The following BPTF variants were observed in gnomAD, a reference collection of about 807,000 sequenced individuals.
BPTF encodes the protein bromodomain PHD finger transcription factor.
In BPTF, 18 loss-of-function variants were observed where a neutral mutation model predicts 292.5. The ratio of observed to expected loss-of-function variants is 0.06; its 90% CI spans 0.04 to 0.09. The LOEUF is 0.09. Among genes scored for constraint, BPTF ranks in the 10% least tolerant of loss-of-function variants. The pLI, the probability that BPTF is intolerant of heterozygous loss-of-function variation, is 1.00. For missense variants in BPTF, 2,726 were observed against 3,498.7 expected (o/e 0.78, Z 5.57); for synonymous variants, 1,225 against 1,251.9 (o/e 0.98, Z 0.45).
chr17:67,885,786 C>T (rs1265092060), intron 4 of BPTF, among the ~76,000 whole-genome samples: 4 of 152,160 alleles, frequency 2.6e-5, no homozygotes, highest in African/African-American at 9.7e-5. Context: ...ATCTGGCGCA[C>T]TGTAAGTTTT....
chr17:67,825,545 C>A lies in BPTF; in HGVS notation c.-180C>A, dbSNP rs1238632959. On this transcript the variant is annotated 5_prime_UTR_variant, in exon 1 of 28. Coordinates refer to ENST00000306378, the MANE Select transcript of BPTF (RefSeq NM_182641.4). ...GAAGAAACAAGATGGCGGCTGAAGG[C>A]GATCCGGAGTGGGGCCCCAGCAATT... 21 of 426,350 alleles carry A rather than the reference C, an allele frequency of 4.9e-5. No homozygotes were observed. Among genetic ancestry groups the A allele is most frequent in the Non-Finnish European group, 8.2e-5 (18 of 219,242 alleles). 26.4% of individuals were successfully genotyped at this position (426,350 alleles called of 1,614,324 possible).
chr17:67,919,741 C>T (rs2063312018), intron 12 of BPTF, among the ~76,000 whole-genome samples: 1 of 152,030 alleles, frequency 6.6e-6, no homozygotes, highest in Admixed American at 6.6e-5. Context: ...TGCTTCTGTC[C>T]TAGGCTTTTT....
In BPTF at chr17:67,924,643, A is replaced by G. The variant is rs955854912; in HGVS notation, c.5751+54A>G. On this transcript the variant is annotated intron_variant, in intron 15 of 27. Coordinates refer to ENST00000306378, the MANE Select transcript of BPTF (RefSeq NM_182641.4). Reference sequence around the variant, plus strand: ...TCAAGGCCCAAATGGAGGCTCTTTCAAAACAAAAGCACTTGACCTCCCATC... The same window carrying G: ...TCAAGGCCCAAATGGAGGCTCTTTCGAAACAAAAGCACTTGACCTCCCATC... The G allele has an allele frequency of 1.1e-5, 18 of 1,580,076 alleles. No homozygotes were observed. In the African/African-American group the frequency reaches 2.2e-4, roughly 19 times the overall value.
Position 67,893,737 on chromosome 17 carries a change from T to A in BPTF, c.2411+12T>A. ...TGGGCATCACATAGGTAAAGGAAAC[T>A]AAGGTTAATTTATTGCTGTAAATAT... On this transcript the variant is annotated intron_variant, in intron 6 of 27. Transcript: ENST00000306378. The A allele has an allele frequency of 6.6e-7, 1 of 1,519,178 alleles. No individual in the cohort carries two copies. Among genetic ancestry groups the A allele is most frequent in the South Asian group, 1.2e-5 (1 of 84,358 alleles). 94.1% of individuals were successfully genotyped at this position (1,519,178 alleles called of 1,614,324 possible).
rs2147135693 is a variant in BPTF, at chr17:67,918,852, G to A, written c.5428+14G>A. The A allele has an allele frequency of 1.9e-6, 3 of 1,610,988 alleles. No homozygotes were observed. Among genetic ancestry groups the A allele is most frequent in the Non-Finnish European group, 2.5e-6 (3 of 1,178,032 alleles). On this transcript the variant is annotated intron_variant, in intron 12 of 27. Transcript: ENST00000306378. ...CTACACGGACAGGTAAGGGGGAAGG[G>A]AGTTATTTTCTAATTTAAGTTTAAA... is the stretch of plus-strand genomic sequence containing the variant.
At chr17:67,966,969 G>A (rs1428233676) in intron 26 of BPTF, among the ~76,000 whole-genome samples, 1 of 151,448 alleles carries the variant, frequency 6.6e-6, no homozygotes, top group African/African-American at 2.4e-5. Flanking sequence ...GCATGGTGGT[G>A]CATGCCTGTA....
intron 11 of BPTF, among the ~76,000 whole-genome samples, chr17:67,917,132 T>C (rs905171018): frequency 8.3e-5 from 7 of 84,080 alleles, no homozygotes; most frequent in Admixed American, 7.4e-4. Flanking sequence ...GGTATTGTCC[T>C]TTTTTTTTTT....
intron 20 of BPTF, 181 bp downstream of exon 20, chr17:67,944,553 T>G: frequency 1.6e-6 from 1 of 637,086 alleles, no homozygotes. Flanking sequence ...TCTTACAGAC[T>G]CCCTGTTACC....
intron 2 of BPTF, among the ~76,000 whole-genome samples, chr17:67,861,547 C>T (rs908534272): frequency 2.0e-5 from 3 of 152,098 alleles, no homozygotes; most frequent in African/African-American, 7.2e-5. Flanking sequence ...AACTCCTGAC[C>T]TCAGGTGATC....
intron 7 of BPTF, 100 bp from the exon 8 acceptor site, chr17:67,903,689 T>A: frequency 8.9e-7 from 1 of 1,126,092 alleles, no homozygotes. Flanking sequence ...TGTAGGATTA[T>A]AACAGTCTGC....
chr17:67,897,063 C>T (rs1374035822), intron 7 of BPTF, among the ~76,000 whole-genome samples: 1 of 151,868 alleles, frequency 6.6e-6, no homozygotes, highest in East Asian at 1.9e-4. Flanking sequence ...CATGGTGGCT[C>T]ATGCCTGTAA....
In BPTF at chr17:67,922,771, A is replaced by T. The variant is rs536197372; in HGVS notation, c.5558-69A>T. On this transcript the variant is annotated intron_variant, in intron 13 of 27. Coordinates refer to ENST00000306378, the MANE Select transcript of BPTF (RefSeq NM_182641.4). ...AGTTTGCCAACCACTTTTTCATGATAGAAGATGCCAGAAGTACTTTAATTT... is the reference window on the plus strand; with the variant it reads ...AGTTTGCCAACCACTTTTTCATGATTGAAGATGCCAGAAGTACTTTAATTT... 5.9e-5 allele frequency: 89 copies of T among 1,504,754 alleles called. No homozygotes were observed. The African/African-American group carries it at 1.2e-3, about 20-fold the overall frequency. The allele number at this position is 1,504,754 out of a possible 1,614,324, so 93.2% of individuals were successfully genotyped here. A position where few individuals can be genotyped will look rare whatever the true frequency, so the allele number is the denominator to read the frequency against.
intron 23 of BPTF, chr17:67,955,475 TTTG>T (rs2066841180): frequency 1.3e-5 from 2 of 152,084 alleles, no homozygotes; most frequent in Non-Finnish European, 2.9e-5. Flanking sequence ...CTGTGAGTTT[TTTG>T]TTTTTGGCTT....
Position 67,911,888 on chromosome 17 carries a change from A to G in BPTF, c.4004A>G (p.Glu1335Gly). ...DVEVLEPLKCELVSGESTGNC... is the reference protein window; with the variant it reads ...DVEVLEPLKCGLVSGESTGNC... The stretch of plus-strand genomic sequence containing the variant: ...GAAGTCTTGGAGCCGTTAAAGTGTG[A>G]GTTGGTTTCTGGTGAGTCCACTGGA... The change falls in exon 11 of 28, where the codon GAG (glutamate) becomes GGG (glycine). Residue 1335 changes from glutamate to glycine, a missense_variant. Glu to Gly is a moderately conservative substitution (Grantham distance 98). This residue lies in a region of BPTF where 713 missense variants were observed against 714.9 expected (regional missense o/e 1.00). Coordinates refer to ENST00000306378, the MANE Select transcript of BPTF (RefSeq NM_182641.4). The G allele has an allele frequency of 6.2e-7, 1 of 1,614,054 alleles. No homozygotes were observed.
intron 18 of BPTF, among the ~76,000 whole-genome samples, chr17:67,935,323 A>T (rs908357883): frequency 6.6e-6 from 1 of 152,114 alleles, no homozygotes; most frequent in Non-Finnish European, 1.5e-5. Context: ...GCCACTTGGG[A>T]GGCTGAGGCA....
At position 67,959,984 on chromosome 17, in the gene BPTF, T is replaced by C. The variant is rs2067319704; in HGVS notation, c.8261+109T>C. ...GAGTGATATAAATGAAAATATTAAA[T>C]TTAAGAGTAATGTTTCATCCATGGT... On this transcript the variant is annotated intron_variant, in intron 24 of 27. Coordinates refer to ENST00000306378, the MANE Select transcript of BPTF (RefSeq NM_182641.4). 3.8e-5 allele frequency: 33 copies of C among 864,190 alleles called. No homozygotes were observed. In the South Asian group the frequency reaches 6.6e-4, roughly 17 times the overall value. 53.5% of individuals were successfully genotyped at this position (864,190 alleles called of 1,614,324 possible). A position where few individuals can be genotyped will look rare whatever the true frequency, so the allele number is the denominator to read the frequency against.
chr17:67,921,370 C>T (rs1244669811), intron 13 of BPTF, among the ~76,000 whole-genome samples: 13 of 151,308 alleles, frequency 8.6e-5, no homozygotes, highest in Non-Finnish European at 1.9e-4. Flanking sequence ...ACTAAAAATA[C>T]AAAAAATTAG....
At chr17:67,899,916 T>C (rs1441584752) in intron 7 of BPTF, among the ~76,000 whole-genome samples, 1 of 152,192 alleles carries the variant, frequency 6.6e-6, no homozygotes, top group Non-Finnish European at 1.5e-5. Flanking sequence ...AGGGAATGTT[T>C]AGCACAAAAG....
chr17:67,971,791 G>T (rs1555691092), intron 26 of BPTF, among the ~76,000 whole-genome samples: 1 of 142,430 alleles, frequency 7.0e-6, no homozygotes, highest in East Asian at 2.1e-4. Flanking sequence ...TCATGCCACT[G>T]CACTTCAGCC....
Sources: allele counts gnomAD v4.1 joint callset (sites outside exome capture counted in the v4.1 genomes callset), GRCh38; gene constraint gnomAD v4.1.1; regional missense constraint gnomAD v4.1.1; transcripts MANE v1.5; gene names NCBI Gene and HGNC (gene_info 2026-07-23, HGNC 2026-07-21).